The following ULK4 variants were observed in gnomAD, a reference collection of about 807,000 sequenced individuals.
ULK4 encodes inactive serine/threonine-protein kinase ULK4.
In ULK4, 133 loss-of-function variants were observed where a neutral mutation model predicts 160.6. The ratio of observed to expected loss-of-function variants is 0.83; its 90% confidence interval spans 0.72 to 0.96. ULK4 has a LOEUF of 0.96. ULK4 is among the 40% of genes least tolerant of loss of function. The pLI, the probability that ULK4 is intolerant of heterozygous loss-of-function variation, is 0.00. For missense variants in ULK4, 1,580 were observed against 1,499.5 expected (o/e 1.05, Z -0.89); for synonymous variants, 534 against 539.8 (o/e 0.99, Z 0.15).
intron 35 of ULK4, among the ~76,000 whole-genome samples, chr3:41,262,867 G>A (rs2078970298): frequency 6.6e-6 from 1 of 151,902 alleles, no homozygotes; most frequent in Non-Finnish European, 1.5e-5. Flanking sequence ...AAGTCTTTTA[G>A]GCCTGATCCA....
intron 31 of ULK4, among the ~76,000 whole-genome samples, chr3:41,583,931 G>C (rs574743068): frequency 6.6e-6 from 1 of 152,318 alleles, no homozygotes; most frequent in Admixed American, 6.5e-5. Context: ...GAGAACAGAA[G>C]CACCTGTCAT....
chr3:41,299,631 G>A (rs2079742545), intron 35 of ULK4, among the ~76,000 whole-genome samples: 2 of 152,140 alleles, frequency 1.3e-5, no homozygotes, highest in Non-Finnish European at 2.9e-5. Context: ...AAGAGTTGGG[G>A]GTCTCCTAAA....
intron 18 of ULK4, among the ~76,000 whole-genome samples, chr3:41,826,157 A>G (rs1483274689): frequency 6.6e-6 from 1 of 152,188 alleles, no homozygotes; most frequent in African/African-American, 2.4e-5. Context: ...CTCCTGAAGG[A>G]AGCACTAAAC....
chr3:41,695,467 A>T (rs1455771810), intron 27 of ULK4, among the ~76,000 whole-genome samples: 1 of 152,176 alleles, frequency 6.6e-6, no homozygotes, highest in East Asian at 1.9e-4. Context: ...CTGAGGAAAA[A>T]ATATTTTGTT....
At chr3:41,780,703 T>C (rs1476453201) in intron 21 of ULK4, among the ~76,000 whole-genome samples, 1 of 152,128 alleles carries the variant, frequency 6.6e-6, no homozygotes, top group African/African-American at 2.4e-5. Flanking sequence ...AGCCATAGCT[T>C]CCAGAGTTTC....
intron 32 of ULK4, among the ~76,000 whole-genome samples, chr3:41,544,041 T>G (rs1401940097): frequency 6.6e-6 from 1 of 152,230 alleles, no homozygotes; most frequent in Non-Finnish European, 1.5e-5. Flanking sequence ...CAGAAATAGT[T>G]TGCCTTGCTT....
intron 32 of ULK4, among the ~76,000 whole-genome samples, chr3:41,506,506 G>A (rs1026013085): frequency 6.6e-6 from 1 of 151,946 alleles, no homozygotes; most frequent in Non-Finnish European, 1.5e-5. Flanking sequence ...AGAAATCCTG[G>A]ATTGTAGTCA....
At chr3:41,932,033 G>GA (rs756901706) in intron 4 of ULK4, 27 bp from the exon 5 acceptor site, 47 of 1,591,712 alleles carry the variant, frequency 3.0e-5, no homozygotes, top group East Asian at 2.7e-4. Flanking sequence ...AATGTTTTCA[G>GA]AAAAAAAATC....
At chr3:41,531,792 A>C (rs2086329936) in intron 32 of ULK4, among the ~76,000 whole-genome samples, 1 of 152,196 alleles carries the variant, frequency 6.6e-6, no homozygotes, top group South Asian at 2.1e-4. Context: ...AGAAAGAAAC[A>C]CTTTGTAACA....
At position 41,925,478 on chromosome 3, in the gene ULK4, G is replaced by A. The variant is rs1044029841; in HGVS notation, c.542-5660C>T. On this transcript the variant is annotated intron_variant, in intron 5 of 36. Transcript: ENST00000301831. ...GTTTCAAGCACAAAACTGGGTGGCCGTTGGGGCAGACACCAAGCTAGGTGC... is the reference window on the plus strand; with the variant it reads ...GTTTCAAGCACAAAACTGGGTGGCCATTGGGGCAGACACCAAGCTAGGTGC... 1.4e-4 allele frequency among the ~76,000 whole-genome samples: 22 copies of A among 152,186 alleles called. No individual in the cohort carries two copies. The South Asian group carries it at 1.9e-3, about 13-fold the overall frequency.
At chr3:41,274,546 G>A (rs1239628976) in intron 35 of ULK4, among the ~76,000 whole-genome samples, 1 of 152,140 alleles carries the variant, frequency 6.6e-6, no homozygotes, top group Non-Finnish European at 1.5e-5. Flanking sequence ...AAGGTCTAGG[G>A]ACAGACTCAT....
At position 41,715,495 on chromosome 3, in the gene ULK4, C is replaced by T. The variant is rs1186775707; in HGVS notation, c.2529G>A (p.Lys843=). ...HPSTVQVKQL[K]LCLPLMPVVL... is the part of the protein sequence containing the mutation. The stretch of plus-strand genomic sequence containing the variant: ...CTACAGGCATCAGGGGGAGACACAA[C>T]TTCAGCTGTTTCACTTGAACTGTTG... Residue 843 remains lysine (K), a synonymous_variant, in exon 24 of 37, where the codon AAG becomes AAA. Coordinates refer to ENST00000301831, the MANE Select transcript of ULK4 (RefSeq NM_017886.4). 1.9e-6 allele frequency: 3 copies of T among 1,614,006 alleles called. No homozygotes were observed. The highest frequency in any genetic ancestry group is 8.5e-7 in the Non-Finnish European group (1 of 1,180,010).
chr3:41,770,834 T>C (rs777075065), intron 21 of ULK4, among the ~76,000 whole-genome samples: 1 of 152,144 alleles, frequency 6.6e-6, no homozygotes, highest in East Asian at 1.9e-4. Flanking sequence ...TTCTGAATCA[T>C]AAGTAAATAG....
At chr3:41,350,278 C>CT (rs963855153) in intron 35 of ULK4, among the ~76,000 whole-genome samples, 1 of 152,006 alleles carries the variant, frequency 6.6e-6, no homozygotes, top group Non-Finnish European at 1.5e-5. Context: ...AGTCATAAGC[C>CT]TTTTTAAGTG....
chr3:41,539,646 A>C (rs11129910), intron 32 of ULK4, among the ~76,000 whole-genome samples: 77,670 of 152,014 alleles, frequency 0.51, 19,962 homozygotes, highest in Middle Eastern at 0.57. Flanking sequence ...GACCCTGACA[A>C]TTATAGCTTC....
chr3:41,387,156 A>G (rs1279356394), intron 35 of ULK4, among the ~76,000 whole-genome samples: 1 of 152,170 alleles, frequency 6.6e-6, no homozygotes, highest in Non-Finnish European at 1.5e-5. Flanking sequence ...AGGTTTCGAT[A>G]CATATAATGT....
At position 41,911,643 on chromosome 3, in the gene ULK4, A is replaced by T; in HGVS notation, c.913T>A (p.Cys305Ser). 1 of 1,613,348 alleles carries T rather than the reference A, an allele frequency of 6.2e-7. No homozygotes were observed. Among genetic ancestry groups the T allele is most frequent in the African/African-American group, 1.3e-5 (1 of 74,994 alleles). ...DLSLSRNTME[C>S]SGPQDSKELL... The stretch of plus-strand genomic sequence containing the variant: ...TCCTTGGAATCTTGTGGCCCAGAAC[A>T]CTCCATAGTGTTTCTGCTATTATTG... Residue 305 changes from cysteine to serine, a missense_variant, in exon 10 of 37, where the codon TGT (cysteine) becomes AGT (serine). Physicochemically the swap from Cys to Ser is moderately radical, Grantham distance 112. Transcript: ENST00000301831.
intron 35 of ULK4, among the ~76,000 whole-genome samples, chr3:41,290,098 C>T (rs2079533425): frequency 6.6e-6 from 1 of 152,164 alleles, no homozygotes; most frequent in African/African-American, 2.4e-5. Flanking sequence ...TGGTCTCGAA[C>T]TCCTGACGTC....
intron 32 of ULK4, among the ~76,000 whole-genome samples, chr3:41,510,573 A>G (rs1403697493): frequency 6.6e-6 from 1 of 152,238 alleles, no homozygotes; most frequent in Non-Finnish European, 1.5e-5. Context: ...GATGGGCCAT[A>G]TGATAAAGCA....
Sources: gnomAD v4.1 joint callset for allele counts (sites outside exome capture counted in the v4.1 genomes callset) on GRCh38, gnomAD v4.1.1 for gene constraint, MANE v1.5 for transcripts, NCBI Gene and HGNC (gene_info 2026-07-23, HGNC 2026-07-21) for gene names.